WDPCP: variants seen among roughly 807,000 people sequenced by gnomAD.
WDPCP encodes the protein WD repeat containing planar cell polarity effector, also known as WD repeat-containing and planar cell polarity effector protein fritz homolog.
Under a neutral mutation model 93.1 loss-of-function variants are expected in WDPCP, and 71 were observed. The observed-to-expected ratio is 0.76, with a 90% CI of 0.63 to 0.93. The LOEUF (loss-of-function observed/expected upper bound fraction) is 0.93, where lower values mean the gene tolerates loss of function less well. Among genes scored for constraint, WDPCP ranks in the 40% least tolerant of loss-of-function variants. WDPCP has a pLI of 0.00. For missense variants in WDPCP, 844 were observed against 887.4 expected, an observed-to-expected ratio of 0.95 and a Z score of 0.62; for synonymous variants, 315 against 315.0, an observed-to-expected ratio of 1.00 and a Z score of 0.00.
intron 3 of WDPCP, among the ~76,000 whole-genome samples, chr2:63,614,491 A>G (rs1164657765): frequency 1.3e-5 from 2 of 152,208 alleles, no homozygotes; most frequent in Non-Finnish European, 2.9e-5. Context: ...CAACAGCCCA[A>G]GGTATGATGT....
chr2:63,147,719 A>G (rs747956298), intron 17 of WDPCP, among the ~76,000 whole-genome samples: 5 of 152,142 alleles, frequency 3.3e-5, no homozygotes, highest in Non-Finnish European at 7.4e-5. Context: ...CTGTAATCCC[A>G]GCACTTTGGG....
At chr2:63,378,790 G>A (rs1453636640) in intron 11 of WDPCP, among the ~76,000 whole-genome samples, 1 of 152,130 alleles carries the variant, frequency 6.6e-6, no homozygotes, top group African/African-American at 2.4e-5. Context: ...AATTAAAACA[G>A]TGACTCATCA....
chr2:63,236,100 A>T (rs983168122), intron 14 of WDPCP, among the ~76,000 whole-genome samples: 3 of 152,206 alleles, frequency 2.0e-5, no homozygotes, highest in African/African-American at 7.2e-5. Flanking sequence ...CTTCACCAGG[A>T]GACTCCTAGA....
intron 12 of WDPCP, among the ~76,000 whole-genome samples, chr2:63,362,645 T>G (rs1239887797): frequency 1.3e-5 from 2 of 152,004 alleles, no homozygotes; most frequent in Non-Finnish European, 2.9e-5. Context: ...ACATGAAAAT[T>G]TTTGCTTCTA....
chr2:63,460,341 G>T (rs780752444), intron 6 of WDPCP, among the ~76,000 whole-genome samples: 3 of 152,118 alleles, frequency 2.0e-5, no homozygotes, highest in Admixed American at 6.5e-5. Flanking sequence ...AATCGGGGGT[G>T]GGGGAGAGAG....
intron 6 of WDPCP, among the ~76,000 whole-genome samples, chr2:63,456,630 C>T (rs968251029): frequency 2.6e-5 from 4 of 151,760 alleles, no homozygotes; most frequent in Admixed American, 6.6e-5. Flanking sequence ...CAAATCAAAC[C>T]CCAAATTAGC....
intron 6 of WDPCP, among the ~76,000 whole-genome samples, chr2:63,456,892 A>T (rs1698662294): frequency 6.6e-6 from 1 of 152,124 alleles, no homozygotes; most frequent in Non-Finnish European, 1.5e-5. Context: ...CATGCCTGTA[A>T]TCCCAGCTAC....
At chr2:63,745,768 A>G (rs987949034) in intron 2 of WDPCP, among the ~76,000 whole-genome samples, 1 of 152,012 alleles carries the variant, frequency 6.6e-6, no homozygotes, top group East Asian at 1.9e-4. Context: ...ATGACTCCTG[A>G]TGAGTATGAG....
chr2:63,559,663 C>T (rs71495133), intron 1 of WDPCP, among the ~76,000 whole-genome samples: 30 of 152,220 alleles, frequency 2.0e-4, no homozygotes, highest in Admixed American at 1.7e-3. Context: ...TGAGTGAACT[C>T]CCATTCACAA....
At chr2:63,164,522 TCC>T (rs1368982639) in intron 15 of WDPCP, among the ~76,000 whole-genome samples, 2 of 152,038 alleles carry the variant, frequency 1.3e-5, no homozygotes, top group Admixed American at 1.3e-4. Context: ...AAGTGCTGGC[TCC>T]CCCTTTGCCT....
chr2:63,151,959 A>G (rs1205345173), intron 17 of WDPCP, among the ~76,000 whole-genome samples: 1 of 152,180 alleles, frequency 6.6e-6, no homozygotes, highest in Non-Finnish European at 1.5e-5. Flanking sequence ...AAGTCTCACA[A>G]TAAATCCTAG....
chr2:63,583,952 G>GAA (rs919156719), intron 1 of WDPCP, among the ~76,000 whole-genome samples: 1 of 149,754 alleles, frequency 6.7e-6, no homozygotes, highest in Admixed American at 6.7e-5. Context: ...AGAAGAATAA[G>GAA]AAAAAAAAAG....
At chr2:63,643,604 G>A (rs1710010559) in intron 3 of WDPCP, 2 of 441,404 alleles carry the variant, frequency 4.5e-6, no homozygotes, top group African/African-American at 4.1e-5. Context: ...TCAGGGTAGT[G>A]GATAGTGTGA....
At chr2:63,197,995 A>G (rs748539790) in intron 14 of WDPCP, among the ~76,000 whole-genome samples, 3 of 152,184 alleles carry the variant, frequency 2.0e-5, no homozygotes, top group Non-Finnish European at 4.4e-5. Flanking sequence ...TATTTTGTCT[A>G]CTGCTCATTT....
chr2:63,755,807 T>A (rs1575765433), intron 2 of WDPCP, among the ~76,000 whole-genome samples: 1 of 152,166 alleles, frequency 6.6e-6, no homozygotes, highest in East Asian at 1.9e-4. Context: ...ACATATACAA[T>A]AGGGAAAATA....
chr2:63,627,431 G>A (rs1201457477), intron 3 of WDPCP, among the ~76,000 whole-genome samples: 1 of 152,132 alleles, frequency 6.6e-6, no homozygotes, highest in Non-Finnish European at 1.5e-5. Flanking sequence ...AAAGGGCGGG[G>A]TCCCTTGCGA....
intron 14 of WDPCP, among the ~76,000 whole-genome samples, chr2:63,188,188 G>A (rs1258851467): frequency 6.6e-6 from 1 of 151,988 alleles, no homozygotes; most frequent in Non-Finnish European, 1.5e-5. Context: ...TATCATAGTT[G>A]GAGTTCATTG....
intron 2 of WDPCP, among the ~76,000 whole-genome samples, chr2:63,685,896 C>G (rs915556221): frequency 1.1e-4 from 17 of 152,100 alleles, no homozygotes; most frequent in African/African-American, 4.1e-4. Context: ...GCATTTGATA[C>G]AATTCAACAT....
chr2:63,409,847 A>T (rs997656710), intron 9 of WDPCP, among the ~76,000 whole-genome samples: 2 of 152,202 alleles, frequency 1.3e-5, no homozygotes, highest in Non-Finnish European at 2.9e-5. Flanking sequence ...AAAAAGAATA[A>T]GAAAATATGA....
Sources: allele counts gnomAD v4.1 joint callset (sites outside exome capture counted in the v4.1 genomes callset), GRCh38; gene constraint gnomAD v4.1.1; transcripts MANE v1.5; gene names NCBI Gene and HGNC (gene_info 2026-07-23, HGNC 2026-07-21).